TRHDE: variants seen among roughly 807,000 people sequenced by gnomAD.
The protein encoded by TRHDE is thyrotropin-releasing hormone-degrading ectoenzyme.
TRHDE carries 72 observed loss-of-function variants against 125.7 expected under a neutral mutation model. The ratio of observed to expected loss-of-function variants is 0.57; its 90% CI spans 0.47 to 0.70. TRHDE has a LOEUF of 0.70. Among genes scored for constraint, TRHDE ranks in the 30% least tolerant of loss-of-function variants. The pLI, the probability that TRHDE is intolerant of heterozygous loss-of-function variation, is 0.00. For synonymous variants in TRHDE, 509 were observed against 509.1 expected, an observed-to-expected ratio of 1.00 and a Z score of 0.00; for missense variants, 1,110 against 1,327.1, an observed-to-expected ratio of 0.84 and a Z score of 2.54.
intron 2 of TRHDE, among the ~76,000 whole-genome samples, chr12:72,145,141 A>G (rs1383567332): frequency 1.3e-5 from 2 of 152,200 alleles, no homozygotes; most frequent in Admixed American, 1.3e-4. Flanking sequence ...CACCTGCCCC[A>G]AGTTGAGTTT....
intron 6 of TRHDE, among the ~76,000 whole-genome samples, chr12:72,500,310 A>G (rs1399669937): frequency 6.6e-6 from 1 of 152,186 alleles, no homozygotes; most frequent in Non-Finnish European, 1.5e-5. Context: ...TACATGCACT[A>G]GCCACTTAAT....
chr12:72,559,976 A>T (rs1028041716), intron 7 of TRHDE, among the ~76,000 whole-genome samples: 1 of 152,192 alleles, frequency 6.6e-6, no homozygotes, highest in African/African-American at 2.4e-5. Flanking sequence ...TGAACACACT[A>T]AGTGCTCCAT....
chr12:72,197,180 T>C (rs1877461976), intron 2 of TRHDE, among the ~76,000 whole-genome samples: 1 of 152,128 alleles, frequency 6.6e-6, no homozygotes, highest in Admixed American at 6.6e-5. Context: ...ACCTCATTGG[T>C]AGCTCCTTCT....
chr12:72,449,949 C>A (rs1316258784), intron 3 of TRHDE, among the ~76,000 whole-genome samples: 1 of 151,930 alleles, frequency 6.6e-6, no homozygotes, highest in Non-Finnish European at 1.5e-5. Flanking sequence ...TAATGGAATA[C>A]AATGATTCCA....
At chr12:72,394,500 T>A (rs1444347638) in intron 3 of TRHDE, among the ~76,000 whole-genome samples, 1 of 152,202 alleles carries the variant, frequency 6.6e-6, no homozygotes, top group East Asian at 1.9e-4. Context: ...CACATATATA[T>A]GTGCACATTC....
intron 3 of TRHDE, among the ~76,000 whole-genome samples, chr12:72,387,046 T>C (rs1872450405): frequency 6.6e-6 from 1 of 152,206 alleles, no homozygotes. Flanking sequence ...TTCAGTCTTA[T>C]GGCTTTAAAC....
intron 2 of TRHDE, among the ~76,000 whole-genome samples, chr12:72,316,630 T>C (rs917956705): frequency 1.3e-5 from 2 of 152,230 alleles, no homozygotes; most frequent in African/African-American, 4.8e-5. Flanking sequence ...CTTGTGTAAA[T>C]GGAATCATCC....
intron 3 of TRHDE, among the ~76,000 whole-genome samples, chr12:72,419,266 G>T (rs1185876809): frequency 6.6e-6 from 1 of 152,128 alleles, no homozygotes; most frequent in Non-Finnish European, 1.5e-5. Context: ...AGTTGCTAGA[G>T]AAAAAATGTA....
chr12:72,364,366 GTGA>G (rs1871257016), intron 2 of TRHDE, among the ~76,000 whole-genome samples: 1 of 151,986 alleles, frequency 6.6e-6, no homozygotes, highest in African/African-American at 2.4e-5. Context: ...TACCTTCTGA[GTGA>G]TGCTTTCCTT....
intron 1 of TRHDE, among the ~76,000 whole-genome samples, chr12:72,276,512 A>T (rs1427594484): frequency 4.6e-5 from 7 of 152,204 alleles, no homozygotes; most frequent in Admixed American, 4.6e-4. Context: ...GAGCAAAAGA[A>T]TTTTGGTGAC....
At chr12:72,214,525 C>G (rs1258979243) in intron 2 of TRHDE, among the ~76,000 whole-genome samples, 6 of 152,132 alleles carry the variant, frequency 3.9e-5, no homozygotes, top group Non-Finnish European at 8.8e-5. Flanking sequence ...CTGGCTCACT[C>G]AATTGCTGAG....
intron 6 of TRHDE, among the ~76,000 whole-genome samples, chr12:72,507,415 G>C (rs1878399279): frequency 6.6e-6 from 1 of 152,190 alleles, no homozygotes; most frequent in Admixed American, 6.5e-5. Flanking sequence ...GATATGAACA[G>C]AGATGGCCAG....
chr12:72,344,396 G>C (rs537096236), intron 2 of TRHDE, among the ~76,000 whole-genome samples: 2 of 152,184 alleles, frequency 1.3e-5, no homozygotes, highest in African/African-American at 2.4e-5. Flanking sequence ...TTACAAAAAA[G>C]GTTTATTAAT....
intron 3 of TRHDE, among the ~76,000 whole-genome samples, chr12:72,406,993 C>T (rs1873293102): frequency 6.6e-6 from 1 of 152,152 alleles, no homozygotes; most frequent in Non-Finnish European, 1.5e-5. Flanking sequence ...GCAGAATTTA[C>T]AAAATGACAA....
At chr12:72,133,181 A>T (rs1213361008) in intron 2 of TRHDE, among the ~76,000 whole-genome samples, 1 of 152,214 alleles carries the variant, frequency 6.6e-6, no homozygotes, top group African/African-American at 2.4e-5. Context: ...TGACAATTTA[A>T]AGATGAATTA....
At chr12:72,112,889 C>T (rs60327323) in intron 2 of TRHDE, among the ~76,000 whole-genome samples, 15,214 of 152,250 alleles carry the variant, frequency 0.1, 1,288 homozygotes, top group African/African-American at 0.22. Context: ...ACCAGCTTCA[C>T]AGGCCTAAGG....
At position 72,643,491 on chromosome 12, in the gene TRHDE, T is replaced by C. The variant is rs562524163; in HGVS notation, c.2676-8831T>C. Reference sequence around the variant, plus strand: ...AGGCTACAGATACAAATATAGAACCTGCCCTTGTTCTAGGCAGCTTTGCCT... The same window carrying C: ...AGGCTACAGATACAAATATAGAACCCGCCCTTGTTCTAGGCAGCTTTGCCT... On this transcript the variant is annotated intron_variant, in intron 15 of 18. Transcript: ENST00000261180. Among the ~76,000 whole-genome samples the C allele has an allele frequency of 2.6e-5, 4 of 152,312 alleles. No individual in the cohort carries two copies. In the East Asian group the frequency reaches 5.8e-4, roughly 22 times the overall value.
At chr12:72,467,559 G>A (rs1402297621) in intron 3 of TRHDE, among the ~76,000 whole-genome samples, 3 of 152,218 alleles carry the variant, frequency 2.0e-5, no homozygotes, top group South Asian at 2.1e-4. Flanking sequence ...GCTCAGGCCT[G>A]TAATCCTAGC....
Position 72,448,703 on chromosome 12 carries a change from G to T in TRHDE, c.1316-21055G>T, listed in dbSNP as rs192021641. Among the ~76,000 whole-genome samples the T allele has an allele frequency of 6.1e-3, 932 of 151,730 alleles. 11 individuals carry two copies. The highest frequency in any genetic ancestry group is 0.014 in the Middle Eastern group (4 of 294). ...TAGAGTATGTAAAATGCTATTACAGGTTAGCCCAATGATTTGAACTACAGC... is the reference window on the plus strand; with the variant it reads ...TAGAGTATGTAAAATGCTATTACAGTTTAGCCCAATGATTTGAACTACAGC... On this transcript the variant is annotated intron_variant, in intron 3 of 18. Transcript: ENST00000261180.
Sources: gnomAD v4.1 joint callset for allele counts (sites outside exome capture counted in the v4.1 genomes callset) on GRCh38, gnomAD v4.1.1 for gene constraint, MANE v1.5 for transcripts, NCBI Gene and HGNC (gene_info 2026-07-23, HGNC 2026-07-21) for gene names.